Variants in VEZF1 observed in about 807,000 individuals in gnomAD.
VEZF1 encodes the protein putative transcription factor DB1.
Under a neutral mutation model 44.1 loss-of-function variants are expected in VEZF1, and 5 were observed. The observed-to-expected ratio is 0.11, with a 90% CI of 0.06 to 0.24. The LOEUF is 0.24. VEZF1 is among the 10% of genes least tolerant of loss of function. The pLI is 1.00. For missense variants in VEZF1, 358 were observed against 641.8 expected (o/e 0.56, Z 4.78); for synonymous variants, 236 against 233.1 (o/e 1.01, Z -0.11).
At chr17:57,986,255 T>A (rs989949603) in intron 1 of VEZF1, 2 of 152,238 alleles carry the variant, frequency 1.3e-5, no homozygotes, top group Non-Finnish European at 2.9e-5. Context: ...TCAAAAGATT[T>A]TTCAACCAGC....
chr17:57,979,210 T>A lies in VEZF1; in HGVS notation c.1080A>T (p.Pro360=). ...GTCTCAGTGTTTCTACTTGCTTCCC[T>A]GGCCAGCTTGTCACATGTTGTTGTT... The part of the protein sequence containing the change: ...QQQQQHVTSW[P]GKQVETLRLW... Residue 360 remains proline (P), a synonymous_variant, in exon 5 of 6, where the codon CCA becomes CCT. Coordinates refer to ENST00000581208, the MANE Select transcript of VEZF1 (RefSeq NM_007146.3). The A allele has an allele frequency of 6.2e-7, 1 of 1,614,030 alleles. No homozygotes were observed. Among genetic ancestry groups the A allele is most frequent in the Non-Finnish European group, 8.5e-7 (1 of 1,180,036 alleles).
chr17:57,974,011 C>A lies in VEZF1; in HGVS notation c.*462G>T. 1 of 164,070 alleles carries A rather than the reference C, an allele frequency of 6.1e-6. No homozygotes were observed. Among genetic ancestry groups the A allele is most frequent in the Non-Finnish European group, 1.4e-5 (1 of 73,944 alleles). 10.2% of individuals were successfully genotyped at this position (164,070 alleles called of 1,614,324 possible). A position where few individuals can be genotyped will look rare whatever the true frequency, so the allele number is the denominator to read the frequency against. ...CAATGCATGTATTTACTCATAAAAA[C>A]AATAAACACAGACAATTCTACACTA... On this transcript the variant is annotated 3_prime_UTR_variant, in exon 6 of 6. Transcript: ENST00000581208.
At chr17:57,977,721 G>A (rs1478146077) in intron 5 of VEZF1, among the ~76,000 whole-genome samples, 1 of 151,984 alleles carries the variant, frequency 6.6e-6, no homozygotes, top group African/African-American at 2.4e-5. Context: ...GCACATGCCT[G>A]TAATCCCAGC....
intron 1 of VEZF1, among the ~76,000 whole-genome samples, chr17:57,987,072 T>C (rs764361508): frequency 1.3e-5 from 2 of 152,202 alleles, no homozygotes; most frequent in African/African-American, 2.4e-5. Flanking sequence ...GGCAAGAGAA[T>C]TGCCAAAACA....
intron 3 of VEZF1, 127 bp from the exon 4 acceptor site, chr17:57,980,913 A>G: frequency 2.4e-6 from 2 of 829,912 alleles, no homozygotes; most frequent in Non-Finnish European, 1.9e-6. Flanking sequence ...TTTTAATTGC[A>G]TATGTTACCT....
intron 1 of VEZF1, among the ~76,000 whole-genome samples, chr17:57,986,509 T>G (rs1567742044): frequency 6.6e-6 from 1 of 152,224 alleles, no homozygotes; most frequent in Non-Finnish European, 1.5e-5. Flanking sequence ...CAAGTTGGTT[T>G]ATCACATTAT....
At chr17:57,985,625 C>A (rs1277656863) in intron 1 of VEZF1, among the ~76,000 whole-genome samples, 1 of 152,168 alleles carries the variant, frequency 6.6e-6, no homozygotes, top group Non-Finnish European at 1.5e-5. Flanking sequence ...GCTTTTTAAC[C>A]CTGCCCAAGC....
chr17:57,981,643 A>T (rs1164824533), intron 3 of VEZF1, among the ~76,000 whole-genome samples: 1 of 152,236 alleles, frequency 6.6e-6, no homozygotes, highest in Non-Finnish European at 1.5e-5. Flanking sequence ...TTGCCCAAAG[A>T]AAGGGAAATA....
chr17:57,978,734 C>G (rs1820119132), intron 5 of VEZF1, among the ~76,000 whole-genome samples: 1 of 151,704 alleles, frequency 6.6e-6, no homozygotes, highest in Admixed American at 6.6e-5. Flanking sequence ...GCAAAAATAG[C>G]ACAGTTGTAA....
At position 57,972,824 on chromosome 17, in the gene VEZF1, C is replaced by T. The variant is rs139630724; in HGVS notation, c.*1649G>A. ...TTTATTTTTTTACTATGTAGTTCAA[C>T]CCCCTAGAACTGTTTTGTATAATGA... On this transcript the variant is annotated 3_prime_UTR_variant, in exon 6 of 6. Transcript: ENST00000581208. 1 of 152,598 alleles carries T rather than the reference C, an allele frequency of 6.6e-6. No individual in the cohort carries two copies. The highest frequency in any genetic ancestry group is 1.9e-4 in the East Asian group (1 of 5,178). The allele number at this position is 152,598 out of a possible 1,614,324, so 9.5% of individuals were successfully genotyped here.
rs949998256 is a variant in VEZF1 at position 57,988,233 on chromosome 17, T to C, written c.-122A>G. On this transcript the variant is annotated 5_prime_UTR_variant, in exon 1 of 6. It removes an upstream start codon present in the reference 5' UTR. Transcript: ENST00000581208. ...CAACGGCAGCGGCGGCTCCTCAACA[T>C]GGCAGCGCCGAGCGCGGCCACTTCC... 2 of 170,610 alleles carry C rather than the reference T, an allele frequency of 1.2e-5. No individual in the cohort carries two copies. Among genetic ancestry groups the C allele is most frequent in the African/African-American group, 2.5e-5 (1 of 40,164 alleles). The allele number at this position is 170,610 out of a possible 1,614,324, so 10.6% of individuals were successfully genotyped here. A position where few individuals can be genotyped will look rare whatever the true frequency, so the allele number is the denominator to read the frequency against.
chr17:57,981,372 TC>T (rs1419237724), intron 3 of VEZF1, among the ~76,000 whole-genome samples: 1 of 152,244 alleles, frequency 6.6e-6, no homozygotes, highest in Non-Finnish European at 1.5e-5. Flanking sequence ...CTTAATGTTT[TC>T]GTTATTATAA....
At chr17:57,978,203 TA>T in intron 5 of VEZF1, among the ~76,000 whole-genome samples, 1 of 135,734 alleles carries the variant, frequency 7.4e-6, no homozygotes, top group African/African-American at 2.9e-5. Flanking sequence ...AGACTCTGTC[TA>T]AAAAAGAAAA....
rs1420378300 is a variant in VEZF1 at position 57,972,010 on chromosome 17, ACTCT to A, written c.*2459_*2462del. The A allele has an allele frequency of 6.6e-6, 1 of 151,698 alleles. No individual in the cohort carries two copies. Among genetic ancestry groups the A allele is most frequent in the Non-Finnish European group, 1.5e-5 (1 of 67,834 alleles). 9.4% of individuals were successfully genotyped at this position (151,698 alleles called of 1,614,324 possible). A position where few individuals can be genotyped will look rare whatever the true frequency, so the allele number is the denominator to read the frequency against. On this transcript the variant is annotated 3_prime_UTR_variant, in exon 6 of 6. Transcript: ENST00000581208. ...CACCCAAAACCCCCTCCTGCCATCG[ACTCT>A]CTCCCTCCCAAAAGAAGACATGACG...
intron 5 of VEZF1, among the ~76,000 whole-genome samples, chr17:57,978,951 C>A (rs1168158554): frequency 1.3e-5 from 2 of 152,164 alleles, no homozygotes; most frequent in South Asian, 4.1e-4. Context: ...GTACTGAGAA[C>A]TTTTAATTCC....
At chr17:57,983,476 A>G (rs1255297229) in intron 1 of VEZF1, 83 bp from the exon 2 acceptor site, 7 of 1,239,390 alleles carry the variant, frequency 5.6e-6, no homozygotes, top group Non-Finnish European at 6.7e-6. Context: ...AATAGAGACC[A>G]GAAGAAACAG....
intron 5 of VEZF1, among the ~76,000 whole-genome samples, chr17:57,975,255 A>C (rs992927912): frequency 6.6e-6 from 1 of 152,278 alleles, no homozygotes; most frequent in African/African-American, 2.4e-5. Flanking sequence ...TACTTCATGC[A>C]GTTCCTCTGA....
At chr17:57,979,964 C>A (rs2075231857) in intron 4 of VEZF1, among the ~76,000 whole-genome samples, 1 of 135,034 alleles carries the variant, frequency 7.4e-6, no homozygotes, top group South Asian at 2.4e-4. Flanking sequence ...TGTGAAGACT[C>A]CGTCTCAAAA....
At chr17:57,976,899 G>C (rs1231989092) in intron 5 of VEZF1, among the ~76,000 whole-genome samples, 1 of 151,912 alleles carries the variant, frequency 6.6e-6, no homozygotes, top group African/African-American at 2.4e-5. Context: ...TTTCACCAAA[G>C]AATTTTTACT....
Sources: gnomAD v4.1 joint callset for allele counts (sites outside exome capture counted in the v4.1 genomes callset) on GRCh38, gnomAD v4.1.1 for gene constraint, MANE v1.5 for transcripts, NCBI Gene and HGNC (gene_info 2026-07-23, HGNC 2026-07-21) for gene names.